RNF220: variants seen among roughly 807,000 people sequenced by gnomAD.
The protein encoded by RNF220 is E3 ubiquitin-protein ligase RNF220.
RNF220 carries 7 observed loss-of-function variants against 67.1 expected under a neutral mutation model. The observed-to-expected ratio is 0.10, with a 90% CI of 0.06 to 0.20. The LOEUF (loss-of-function observed/expected upper bound fraction) is 0.20. Among genes scored for constraint, RNF220 ranks in the 10% least tolerant of loss-of-function variants. The pLI, the probability that RNF220 is intolerant of heterozygous loss-of-function variation, is 1.00. For synonymous variants in RNF220, 270 were observed against 283.2 expected (o/e 0.95, Z 0.47); for missense variants, 565 against 740.3 (o/e 0.76, Z 2.75).
chr1:44,611,361 G>A (rs924757628), intron 2 of RNF220, among the ~76,000 whole-genome samples: 3 of 152,232 alleles, frequency 2.0e-5, no homozygotes, highest in Non-Finnish European at 2.9e-5. Context: ...GAATGCTGAC[G>A]CCTGGTCCCC....
intron 2 of RNF220, among the ~76,000 whole-genome samples, chr1:44,498,081 C>T (rs1220598147): frequency 1.3e-5 from 2 of 152,114 alleles, no homozygotes; most frequent in African/African-American, 2.4e-5. Context: ...TGGTTGCTTC[C>T]GGAGACCCAG....
chr1:44,498,830 G>T (rs1050152023), intron 2 of RNF220, among the ~76,000 whole-genome samples: 1 of 152,142 alleles, frequency 6.6e-6, no homozygotes, highest in Non-Finnish European at 1.5e-5. Flanking sequence ...GGTGCTGATG[G>T]TGCTGCTGTT....
chr1:44,580,220 A>T (rs140469557), intron 2 of RNF220, among the ~76,000 whole-genome samples: 123 of 152,240 alleles, frequency 8.1e-4, no homozygotes, highest in Middle Eastern at 3.4e-3. Flanking sequence ...TACATAATGA[A>T]GCTGGGATTT....
chr1:44,508,657 T>A (rs1196472528), intron 2 of RNF220, among the ~76,000 whole-genome samples: 3 of 152,218 alleles, frequency 2.0e-5, no homozygotes, highest in Non-Finnish European at 4.4e-5. Context: ...ATCTTGTTGC[T>A]GCATGCCCTG....
At chr1:44,578,340 G>A (rs887830027) in intron 2 of RNF220, among the ~76,000 whole-genome samples, 4 of 151,768 alleles carry the variant, frequency 2.6e-5, no homozygotes, top group African/African-American at 9.7e-5. Context: ...AGTAGAGATG[G>A]GGTTTCACCA....
At chr1:44,632,064 G>C in intron 5 of RNF220, 7 of 1,127,116 alleles carry the variant, frequency 6.2e-6, no homozygotes, top group Non-Finnish European at 7.7e-6. Flanking sequence ...TCGCCGGCCG[G>C]GCGGCCGTGG....
intron 2 of RNF220, among the ~76,000 whole-genome samples, chr1:44,573,717 G>T (rs933546545): frequency 2.6e-5 from 4 of 152,212 alleles, no homozygotes; most frequent in African/African-American, 9.7e-5. Flanking sequence ...GTCTCCAACA[G>T]GACAAAAAAC....
At chr1:44,441,551 A>T (rs1651555932) in intron 2 of RNF220, among the ~76,000 whole-genome samples, 1 of 152,246 alleles carries the variant, frequency 6.6e-6, no homozygotes. Context: ...CTTGGAGATG[A>T]GCAATATTCT....
chr1:44,607,315 T>TA (rs1010339355), intron 2 of RNF220, among the ~76,000 whole-genome samples: 1 of 151,978 alleles, frequency 6.6e-6, no homozygotes, highest in Non-Finnish European at 1.5e-5. Context: ...ATTGTATGTT[T>TA]AAAAAAAATA....
At chr1:44,529,484 C>T (rs1038442974) in intron 2 of RNF220, among the ~76,000 whole-genome samples, 1 of 152,112 alleles carries the variant, frequency 6.6e-6, no homozygotes. Context: ...CAGTGATTCT[C>T]CTGCCTCAGC....
At chr1:44,406,022 T>A (rs533357733) in intron 1 of RNF220, among the ~76,000 whole-genome samples, 1 of 152,030 alleles carries the variant, frequency 6.6e-6, no homozygotes, top group Admixed American at 6.5e-5. Flanking sequence ...CGCGTTGATT[T>A]CCGGCGAGGC....
At chr1:44,449,131 G>A (rs898993297) in intron 2 of RNF220, among the ~76,000 whole-genome samples, 10 of 152,176 alleles carry the variant, frequency 6.6e-5, no homozygotes, top group Non-Finnish European at 1.3e-4. Context: ...ATGGAGTCTC[G>A]GATATTGGTT....
At chr1:44,442,466 C>G (rs566525011) in intron 2 of RNF220, among the ~76,000 whole-genome samples, 1 of 150,666 alleles carries the variant, frequency 6.6e-6, no homozygotes, top group South Asian at 2.1e-4. Flanking sequence ...AAAAAGAGTC[C>G]AAAGGAGAGC....
At chr1:44,635,718 C>G (rs773045548) in intron 7 of RNF220, 130 bp downstream of exon 7, 16 of 1,521,526 alleles carry the variant, frequency 1.1e-5, no homozygotes, top group Non-Finnish European at 1.2e-5. Flanking sequence ...TCCCCCGACA[C>G]TAGCTGCTGA....
At chr1:44,521,891 A>G (rs2148159245) in intron 2 of RNF220, among the ~76,000 whole-genome samples, 1 of 152,284 alleles carries the variant, frequency 6.6e-6, no homozygotes, top group East Asian at 1.9e-4. Flanking sequence ...TGAATGAATG[A>G]ATGAATGAAT....
intron 2 of RNF220, among the ~76,000 whole-genome samples, chr1:44,579,157 GAA>G: frequency 7.4e-6 from 1 of 134,374 alleles, no homozygotes; most frequent in East Asian, 2.1e-4. Context: ...CTCTGTCTCA[GAA>G]AAAAAAAAAA....
rs142324735 is a variant in RNF220, at chr1:44,514,539, C to A, written c.626-99626C>A. The stretch of plus-strand genomic sequence containing the variant: ...CTCTACAGTCAAACCCCAACTGACT[C>A]TTTAATGCTGATGACCATGCTAGTG... On this transcript the variant is annotated intron_variant, in intron 2 of 14. Coordinates refer to ENST00000361799, the MANE Select transcript of RNF220 (RefSeq NM_018150.4). 1.9e-3 allele frequency among the ~76,000 whole-genome samples: 290 copies of A among 152,318 alleles called. 7 individuals are homozygous for A. The South Asian group carries it at 0.036, about 19-fold the overall frequency.
At chr1:44,501,233 G>T (rs553744469) in intron 2 of RNF220, among the ~76,000 whole-genome samples, 9 of 151,820 alleles carry the variant, frequency 5.9e-5, no homozygotes, top group South Asian at 4.2e-4. Context: ...GGAAGGGTGT[G>T]GGGGGGTGAC....
chr1:44,551,201 G>A (rs958693528), intron 2 of RNF220, among the ~76,000 whole-genome samples: 1 of 135,504 alleles, frequency 7.4e-6, no homozygotes, highest in African/African-American at 2.8e-5. Flanking sequence ...TGCAACCTTC[G>A]CCTTCTGGAT....
Sources: allele counts gnomAD v4.1 joint callset (sites outside exome capture counted in the v4.1 genomes callset), GRCh38; gene constraint gnomAD v4.1.1; transcripts MANE v1.5; gene names NCBI Gene and HGNC (gene_info 2026-07-23, HGNC 2026-07-21).